SYN2: variants seen among roughly 807,000 people sequenced by gnomAD.
SYN2 encodes the protein synapsin II, also known as synapsin-2.
Under a neutral mutation model 50.9 loss-of-function variants are expected in SYN2, and 19 were observed. The observed-to-expected ratio is 0.37, with a 90% confidence interval of 0.26 to 0.55. SYN2 has a LOEUF of 0.55. Ranked by LOEUF, SYN2 falls within the 20% of genes least tolerant of loss-of-function variation. SYN2 has a pLI of 0.81. For missense variants in SYN2, 587 were observed against 576.4 expected (o/e 1.02, Z -0.19); for synonymous variants, 255 against 224.9 (o/e 1.13, Z -1.20).
chr3:12,071,570 A>G (rs1695355935), intron 1 of SYN2: 1 of 336,264 alleles, frequency 3.0e-6, no homozygotes, highest in South Asian at 2.5e-5. Context: ...GTTAACTTTT[A>G]CCCCTTGGTA....
At chr3:12,115,989 G>A (rs183347400) in intron 1 of SYN2, among the ~76,000 whole-genome samples, 12 of 152,230 alleles carry the variant, frequency 7.9e-5, no homozygotes, top group Admixed American at 3.9e-4. Flanking sequence ...CTTTTAACTA[G>A]GCGTTTCTCA....
intron 1 of SYN2, among the ~76,000 whole-genome samples, chr3:12,090,467 C>A (rs1651356101): frequency 6.6e-6 from 1 of 152,050 alleles, no homozygotes; most frequent in Non-Finnish European, 1.5e-5. Context: ...TCTGAAGACC[C>A]AAGTTTAAAT....
chr3:12,077,770 G>A (rs1434962509), intron 1 of SYN2, among the ~76,000 whole-genome samples: 1 of 152,078 alleles, frequency 6.6e-6, no homozygotes, highest in African/African-American at 2.4e-5. Context: ...GAATAGTGTT[G>A]CAATGAACAT....
chr3:12,036,653 A>G (rs1385416483), intron 1 of SYN2, among the ~76,000 whole-genome samples: 2 of 152,158 alleles, frequency 1.3e-5, no homozygotes, highest in Non-Finnish European at 2.9e-5. Context: ...AAAATCTCAA[A>G]GATCTCTGAA....
chr3:12,061,507 G>A (rs1695112296), intron 1 of SYN2, among the ~76,000 whole-genome samples: 1 of 152,052 alleles, frequency 6.6e-6, no homozygotes. Context: ...GATGTCTTCT[G>A]TCACCACTAT....
At chr3:12,145,587 C>T in intron 3 of SYN2, 92 bp from the exon 4 acceptor site, 3 of 1,442,214 alleles carry the variant, frequency 2.1e-6, no homozygotes, top group Non-Finnish European at 2.8e-6. Context: ...CCTAAGCCCT[C>T]TTCTTTATCT....
chr3:12,148,153 A>G (rs186284646), intron 4 of SYN2, among the ~76,000 whole-genome samples: 14 of 151,964 alleles, frequency 9.2e-5, no homozygotes, highest in Admixed American at 3.9e-4. Flanking sequence ...TTCTTTTCCT[A>G]AACTGTGCCA....
At chr3:12,056,895 G>T (rs767915243) in intron 1 of SYN2, among the ~76,000 whole-genome samples, 1 of 152,132 alleles carries the variant, frequency 6.6e-6, no homozygotes, top group Non-Finnish European at 1.5e-5. Flanking sequence ...ATGGAAACAT[G>T]TATATTCTCA....
At chr3:12,181,238 G>C (rs1019993099) in intron 10 of SYN2, among the ~76,000 whole-genome samples, 1 of 152,238 alleles carries the variant, frequency 6.6e-6, no homozygotes, top group Non-Finnish European at 1.5e-5. Flanking sequence ...AACATCGTAA[G>C]CTGCTCTTGG....
intron 11 of SYN2, chr3:12,184,984 G>T: frequency 1.0e-6 from 1 of 985,768 alleles, no homozygotes; most frequent in African/African-American, 1.7e-5. Context: ...TAGTGTTGGT[G>T]GTATGTAACA....
At chr3:12,011,381 T>A (rs1438234715) in intron 1 of SYN2, among the ~76,000 whole-genome samples, 3 of 152,224 alleles carry the variant, frequency 2.0e-5, no homozygotes, top group Admixed American at 2.0e-4. Context: ...CTGCAGACAC[T>A]GCTTCAATAC....
At chr3:12,148,329 C>G (rs1697199949) in intron 4 of SYN2, among the ~76,000 whole-genome samples, 1 of 152,200 alleles carries the variant, frequency 6.6e-6, no homozygotes, top group South Asian at 2.1e-4. Context: ...ACCCCAAGTT[C>G]TCCCTTCAGT....
intron 1 of SYN2, among the ~76,000 whole-genome samples, chr3:12,122,631 G>GA (rs1462155948): frequency 2.0e-5 from 3 of 152,152 alleles, no homozygotes; most frequent in African/African-American, 4.8e-5. Flanking sequence ...GTGCTGGACA[G>GA]AAAAAAATGC....
At chr3:12,016,648 G>A (rs1694034890) in intron 1 of SYN2, among the ~76,000 whole-genome samples, 1 of 152,170 alleles carries the variant, frequency 6.6e-6, no homozygotes, top group South Asian at 2.1e-4. Flanking sequence ...CTTAAGGTCA[G>A]GAGTTTGAGA....
intron 1 of SYN2, among the ~76,000 whole-genome samples, chr3:12,102,457 C>G (rs1696099088): frequency 6.6e-6 from 1 of 152,052 alleles, no homozygotes; most frequent in Non-Finnish European, 1.5e-5. Flanking sequence ...TGTCATGAAA[C>G]AAGGATTATT....
chr3:12,010,762 T>C (rs1445732332), intron 1 of SYN2, among the ~76,000 whole-genome samples: 2 of 152,240 alleles, frequency 1.3e-5, no homozygotes, highest in Non-Finnish European at 2.9e-5. Context: ...TGTAAATCTT[T>C]GGAAGCAGAG....
intron 1 of SYN2, among the ~76,000 whole-genome samples, chr3:12,106,630 T>G (rs1696195335): frequency 6.6e-6 from 1 of 152,220 alleles, no homozygotes; most frequent in Non-Finnish European, 1.5e-5. Flanking sequence ...TTATTCATGT[T>G]TAAATCCCTA....
intron 1 of SYN2, among the ~76,000 whole-genome samples, chr3:12,009,742 C>G (rs1415669075): frequency 6.6e-6 from 1 of 152,200 alleles, no homozygotes; most frequent in Non-Finnish European, 1.5e-5. Context: ...GTGACACCAG[C>G]AATTACACTA....
intron 1 of SYN2, among the ~76,000 whole-genome samples, chr3:12,130,460 GAA>G (rs570432106): frequency 3.9e-5 from 6 of 152,236 alleles, no homozygotes; most frequent in African/African-American, 1.4e-4. Context: ...AAGACAGGGA[GAA>G]AGAGCAAATT....
Sources: gnomAD v4.1 joint callset for allele counts (sites outside exome capture counted in the v4.1 genomes callset) on GRCh38, gnomAD v4.1.1 for gene constraint, MANE v1.5 for transcripts, NCBI Gene and HGNC (gene_info 2026-07-23, HGNC 2026-07-21) for gene names.